The following GUCY1A1 variants were observed in gnomAD, a reference collection of about 807,000 sequenced individuals.
The protein encoded by GUCY1A1 is guanylate cyclase soluble subunit alpha-1.
In GUCY1A1, 48 loss-of-function variants were observed where a neutral mutation model predicts 64.5. The observed-to-expected ratio is 0.74, with a 90% CI of 0.59 to 0.95. The LOEUF (loss-of-function observed/expected upper bound fraction) is 0.95, where lower values mean the gene tolerates loss of function less well. Ranked by LOEUF, GUCY1A1 falls within the 40% of genes least tolerant of loss-of-function variation. The probability of loss-of-function intolerance (pLI) is 0.00; values close to 1 mark genes in which losing one functional copy is unlikely to be tolerated. For synonymous variants in GUCY1A1, 308 were observed against 303.4 expected, an observed-to-expected ratio of 1.02 and a Z score of -0.16; for missense variants, 804 against 825.3, an observed-to-expected ratio of 0.97 and a Z score of 0.32.
Position 155,730,924 on chromosome 4 carries a change from CTT to C in GUCY1A1, c.*698_*699del, listed in dbSNP as rs995289904. ...AATAATAAATATTTCTTTTGTTTGA[CTT>C]TTTTAAAATTCTACAATGGTAAAAG... On this transcript the variant is annotated 3_prime_UTR_variant, in exon 10 of 10. Coordinates refer to ENST00000506455, the MANE Select transcript of GUCY1A1 (RefSeq NM_001130682.3). The C allele has an allele frequency of 2.2e-4, 33 of 153,274 alleles. No homozygotes were observed. Among genetic ancestry groups the C allele is most frequent in the Admixed American group, 2.0e-3 (30 of 15,198 alleles). The allele number at this position is 153,274 out of a possible 1,614,324, so 9.5% of individuals were successfully genotyped here. A position where few individuals can be genotyped will look rare whatever the true frequency, so the allele number is the denominator to read the frequency against.
intron 4 of GUCY1A1, among the ~76,000 whole-genome samples, chr4:155,707,179 C>T (rs1246148863): frequency 6.6e-6 from 1 of 152,154 alleles, no homozygotes; most frequent in African/African-American, 2.4e-5. Context: ...AATTACCATC[C>T]TCTTCTTGGC....
chr4:155,678,443 G>A lies in GUCY1A1; in HGVS notation c.-113+11024G>A, dbSNP rs1216229236. 3.9e-5 allele frequency among the ~76,000 whole-genome samples: 6 copies of A among 152,094 alleles called. No homozygotes were observed. In the East Asian group the frequency reaches 1.2e-3, roughly 29 times the overall value. ...TATATCAAGTCCAGTTTATAATAGT[G>A]AACATTTCTTAGGTACATTTTACAT... On this transcript the variant is annotated intron_variant, in intron 2 of 9. Transcript: ENST00000506455.
intron 9 of GUCY1A1, among the ~76,000 whole-genome samples, chr4:155,723,951 T>C (rs1734319207): frequency 6.6e-6 from 1 of 152,098 alleles, no homozygotes; most frequent in African/African-American, 2.4e-5. Context: ...CGTGAGCCAA[T>C]GCACCTGGTC....
rs1390263287 is a variant in GUCY1A1, at chr4:155,696,947, A to T, written c.80A>T (p.Asn27Ile). 2 of 1,613,252 alleles carry T rather than the reference A, an allele frequency of 1.2e-6. No homozygotes were observed. Among genetic ancestry groups the T allele is most frequent in the Non-Finnish European group, 1.7e-6 (2 of 1,179,364 alleles). ...TTACTGGCACCAGGTCAAGTTCCTA[A>T]CGAGTCTTCAGAGGAGGCAGCAGGA... ...FSLLAPGQVP[N>I]ESSEEAAGSS... The change falls in exon 3 of 10, where the codon AAC becomes ATC. Residue 27 changes from asparagine (N) to isoleucine (I), a missense_variant. Asn to Ile is a moderately radical substitution (Grantham distance 149). Coordinates refer to ENST00000506455, the MANE Select transcript of GUCY1A1 (RefSeq NM_001130682.3).
intron 9 of GUCY1A1, chr4:155,722,575 C>T (rs973925169): frequency 6.2e-6 from 2 of 323,932 alleles, no homozygotes; most frequent in African/African-American, 2.2e-5. Context: ...TTACAGGGCA[C>T]AGAACCCAAC....
chr4:155,702,067 G>A (rs2126782832), intron 3 of GUCY1A1, among the ~76,000 whole-genome samples: 1 of 151,974 alleles, frequency 6.6e-6, no homozygotes, highest in South Asian at 2.1e-4. Context: ...CATCTCCTAT[G>A]GATAGGTACC....
At chr4:155,698,317 C>T (rs1362591622) in intron 3 of GUCY1A1, among the ~76,000 whole-genome samples, 1 of 152,132 alleles carries the variant, frequency 6.6e-6, no homozygotes, top group Non-Finnish European at 1.5e-5. Flanking sequence ...TGGCAGATAA[C>T]CTTTGAAATG....
intron 2 of GUCY1A1, among the ~76,000 whole-genome samples, chr4:155,696,134 T>C (rs1354855673): frequency 1.3e-5 from 2 of 152,202 alleles, no homozygotes; most frequent in East Asian, 3.8e-4. Flanking sequence ...GATGTTTTTT[T>C]CATTTTGATG....
At chr4:155,704,969 T>C (rs913221476) in intron 4 of GUCY1A1, among the ~76,000 whole-genome samples, 2 of 152,224 alleles carry the variant, frequency 1.3e-5, no homozygotes, top group Non-Finnish European at 2.9e-5. Context: ...CTACAACCTC[T>C]GCCTCCCTGG....
chr4:155,687,973 C>G (rs1729210841), intron 2 of GUCY1A1, among the ~76,000 whole-genome samples: 1 of 152,024 alleles, frequency 6.6e-6, no homozygotes, highest in South Asian at 2.1e-4. Flanking sequence ...TCTGTAATCC[C>G]AGCACTTTGG....
intron 3 of GUCY1A1, among the ~76,000 whole-genome samples, chr4:155,697,951 C>CTGG (rs1313549931): frequency 6.6e-6 from 1 of 152,154 alleles, no homozygotes; most frequent in African/African-American, 2.4e-5. Context: ...ATGAATTTGG[C>CTGG]TGGACATTGA....
intron 3 of GUCY1A1, among the ~76,000 whole-genome samples, chr4:155,698,056 C>T (rs768608417): frequency 1.3e-5 from 2 of 152,286 alleles, no homozygotes; most frequent in East Asian, 1.9e-4. Flanking sequence ...GAAACATGGA[C>T]TGGCTGATTT....
intron 3 of GUCY1A1, among the ~76,000 whole-genome samples, chr4:155,700,238 A>T (rs983401236): frequency 6.6e-6 from 1 of 152,202 alleles, no homozygotes; most frequent in African/African-American, 2.4e-5. Flanking sequence ...ATTGAATTGG[A>T]TATGCTTACA....
intron 2 of GUCY1A1, among the ~76,000 whole-genome samples, chr4:155,678,761 G>C (rs1294888676): frequency 6.6e-6 from 1 of 152,174 alleles, no homozygotes. Context: ...TGAATGTCTA[G>C]CATTTTAAGA....
rs758356059 is a variant in GUCY1A1 at position 155,696,914 on chromosome 4, C to A, written c.47C>A (p.Pro16His). Residue 16 changes from proline (P) to histidine (H), a missense_variant, in exon 3 of 10, where the codon CCT becomes CAT. Pro to His is a moderately conservative substitution (Grantham distance 77, BLOSUM62 -2). Transcript: ENST00000506455. Reference sequence around the variant, plus strand: ...GATCTCAAGATCACAGGAGAGTGTCCTTTCTCCTTACTGGCACCAGGTCAA... The same window carrying A: ...GATCTCAAGATCACAGGAGAGTGTCATTTCTCCTTACTGGCACCAGGTCAA... ...LKDLKITGEC[P>H]FSLLAPGQVP... 6.2e-7 allele frequency: 1 copy of A among 1,613,354 alleles called. No individual in the cohort carries two copies. Among genetic ancestry groups the A allele is most frequent in the Non-Finnish European group, 8.5e-7 (1 of 1,179,372 alleles).
chr4:155,736,115 A>G lies in GUCY1A1; in HGVS notation c.*5884A>G. On this transcript the variant is annotated 3_prime_UTR_variant, in exon 10 of 10. Transcript: ENST00000506455. ...CTAGAGCACTATTCTCCAACCTTTT[A>G]GATTCCTGCAATCTGTTAATAAAAT... 1 of 151,966 alleles carries G rather than the reference A, an allele frequency of 6.6e-6. No homozygotes were observed. 9.4% of individuals were successfully genotyped at this position (151,966 alleles called of 1,614,324 possible).
At chr4:155,713,696 G>A in intron 7 of GUCY1A1, 113 bp downstream of exon 7, 2 of 1,119,350 alleles carry the variant, frequency 1.8e-6, no homozygotes, top group Admixed American at 4.6e-5. Flanking sequence ...GTAGGGTCTT[G>A]CAAGCCCAGT....
rs556859883 is a variant in GUCY1A1 at position 155,734,302 on chromosome 4, G to C, written c.*4071G>C. On this transcript the variant is annotated 3_prime_UTR_variant, in exon 10 of 10. Coordinates refer to ENST00000506455, the MANE Select transcript of GUCY1A1 (RefSeq NM_001130682.3). Reference sequence around the variant, plus strand: ...GCTTTACATGCAAAGCTCCAGTGAAGTCTAGTGCTGTATAATGCTTTAAAT... The same window carrying C: ...GCTTTACATGCAAAGCTCCAGTGAACTCTAGTGCTGTATAATGCTTTAAAT... 6.6e-6 allele frequency: 1 copy of C among 152,074 alleles called. No individual in the cohort carries two copies. Among genetic ancestry groups the C allele is most frequent in the Non-Finnish European group, 1.5e-5 (1 of 67,922 alleles). The allele number at this position is 152,074 out of a possible 1,614,324, so 9.4% of individuals were successfully genotyped here. A position where few individuals can be genotyped will look rare whatever the true frequency, so the allele number is the denominator to read the frequency against.
In GUCY1A1 at chr4:155,735,541, T is replaced by G. The variant is rs1735971452; in HGVS notation, c.*5310T>G. 1 of 151,944 alleles carries G rather than the reference T, an allele frequency of 6.6e-6. No individual in the cohort carries two copies. 9.4% of individuals were successfully genotyped at this position (151,944 alleles called of 1,614,324 possible). On this transcript the variant is annotated 3_prime_UTR_variant, in exon 10 of 10. Coordinates refer to ENST00000506455, the MANE Select transcript of GUCY1A1 (RefSeq NM_001130682.3). ...TGTGGCTGCCTGTCAAGTTTTTTAA[T>G]TTTTTAAATTATATAATGTCAGAAA...
Sources: gnomAD v4.1 joint callset for allele counts (sites outside exome capture counted in the v4.1 genomes callset) on GRCh38, gnomAD v4.1.1 for gene constraint, MANE v1.5 for transcripts, NCBI Gene and HGNC (gene_info 2026-07-23, HGNC 2026-07-21) for gene names.